Variants in PDE4D observed in about 807,000 individuals in gnomAD.
PDE4D encodes the protein phosphodiesterase 4D, also known as 3',5'-cyclic-AMP phosphodiesterase 4D.
A neutral mutation model predicts 87.4 loss-of-function variants in PDE4D; 24 were observed. That is an observed-to-expected ratio of 0.27 (90% CI 0.20 to 0.39). The LOEUF is 0.39. Ranked by LOEUF, PDE4D falls within the 10% of genes least tolerant of loss-of-function variation. The probability of loss-of-function intolerance (pLI) is 1.00; values close to 1 mark genes in which losing one functional copy is unlikely to be tolerated. For synonymous variants in PDE4D, 384 were observed against 383.2 expected (o/e 1.00, Z -0.02); for missense variants, 714 against 1,041.0 (o/e 0.69, Z 4.32).
intron 1 of PDE4D, among the ~76,000 whole-genome samples, chr5:59,707,208 G>GA (rs1446679542): frequency 6.6e-6 from 1 of 152,174 alleles, no homozygotes. Context: ...AAGTAAAAAT[G>GA]ACATAGTACA....
chr5:59,258,722 G>C (rs1017091491), intron 1 of PDE4D, among the ~76,000 whole-genome samples: 2 of 147,772 alleles, frequency 1.4e-5, no homozygotes, highest in African/African-American at 2.5e-5. Flanking sequence ...ATCATATATA[G>C]ATATATATAT....
intron 1 of PDE4D, among the ~76,000 whole-genome samples, chr5:60,215,699 A>C (rs1298179177): frequency 2.0e-5 from 3 of 152,138 alleles, no homozygotes. Flanking sequence ...GGAGCTTGTT[A>C]AATGTTGGGG....
intron 1 of PDE4D, among the ~76,000 whole-genome samples, chr5:59,315,778 C>T (rs1344322939): frequency 2.6e-5 from 4 of 152,176 alleles, no homozygotes; most frequent in South Asian, 4.1e-4. Context: ...GAAAATTGCC[C>T]AAAGAGTACA....
At chr5:59,386,092 C>A (rs923150585) in intron 1 of PDE4D, among the ~76,000 whole-genome samples, 7 of 152,198 alleles carry the variant, frequency 4.6e-5, no homozygotes, top group African/African-American at 1.2e-4. Context: ...CATTCTCACA[C>A]CTTTCCTTTT....
intron 3 of PDE4D, among the ~76,000 whole-genome samples, chr5:59,955,833 G>A (rs1758771460): frequency 6.6e-6 from 1 of 151,860 alleles, no homozygotes; most frequent in South Asian, 2.1e-4. Context: ...ATAGGGAAAT[G>A]TATCACCAAG....
intron 1 of PDE4D, among the ~76,000 whole-genome samples, chr5:59,305,604 ATTG>A (rs1339567860): frequency 6.6e-6 from 1 of 151,936 alleles, no homozygotes; most frequent in Non-Finnish European, 1.5e-5. Flanking sequence ...TTGTGTCATT[ATTG>A]TTGTTCAGTT....
intron 2 of PDE4D, among the ~76,000 whole-genome samples, chr5:60,182,401 A>T (rs778312761): frequency 6.6e-6 from 1 of 152,244 alleles, no homozygotes; most frequent in Non-Finnish European, 1.5e-5. Context: ...TTATTAAATC[A>T]ATCATCCCTT....
chr5:60,351,254 G>C (rs140668511), intron 1 of PDE4D, among the ~76,000 whole-genome samples: 35 of 152,290 alleles, frequency 2.3e-4, no homozygotes, highest in African/African-American at 8.2e-4. Context: ...TTATGGCAGA[G>C]ATTAGAGTTG....
intron 3 of PDE4D, among the ~76,000 whole-genome samples, chr5:59,914,129 T>TATG (rs1251982149): frequency 1.2e-4 from 18 of 152,210 alleles, no homozygotes; most frequent in Non-Finnish European, 2.6e-4. Context: ...CTTATTTATT[T>TATG]AATACATATG....
intron 2 of PDE4D, among the ~76,000 whole-genome samples, chr5:59,212,192 T>C (rs188027638): frequency 2.3e-4 from 35 of 152,266 alleles, no homozygotes; most frequent in Admixed American, 1.6e-3. Context: ...AATTAAAGTT[T>C]ACACATGGCC....
intron 4 of PDE4D, among the ~76,000 whole-genome samples, chr5:59,181,572 T>TATATAAA (rs1561646442): frequency 1.8e-5 from 2 of 109,922 alleles, no homozygotes; most frequent in African/African-American, 4.3e-5. Context: ...ATATATATAT[T>TATATAAA]AGGTATATAA....
intron 3 of PDE4D, among the ~76,000 whole-genome samples, chr5:59,979,666 C>G (rs1047025840): frequency 6.6e-6 from 1 of 152,074 alleles, no homozygotes; most frequent in African/African-American, 2.4e-5. Flanking sequence ...AACTAAATAG[C>G]ATTTATTTTT....
chr5:60,224,749 A>G (rs1236203180), intron 1 of PDE4D, among the ~76,000 whole-genome samples: 3 of 152,050 alleles, frequency 2.0e-5, no homozygotes, highest in Admixed American at 2.0e-4. Context: ...GCTGCATTCT[A>G]TTCATCAATT....
At chr5:59,083,036 C>T (rs957909680) in intron 5 of PDE4D, among the ~76,000 whole-genome samples, 2 of 152,016 alleles carry the variant, frequency 1.3e-5, no homozygotes, top group African/African-American at 4.8e-5. Flanking sequence ...GTAATACTTC[C>T]TTTTAATTAG....
chr5:59,921,246 T>A (rs1470714456), intron 3 of PDE4D, among the ~76,000 whole-genome samples: 1 of 152,166 alleles, frequency 6.6e-6, no homozygotes, highest in East Asian at 1.9e-4. Context: ...TGTCTAATGT[T>A]CAAAATAATT....
At chr5:59,734,829 A>G (rs761230928) in intron 1 of PDE4D, among the ~76,000 whole-genome samples, 2 of 152,186 alleles carry the variant, frequency 1.3e-5, no homozygotes, top group Non-Finnish European at 2.9e-5. Context: ...GAGTGAGTCC[A>G]GTCACGTGCA....
intron 1 of PDE4D, among the ~76,000 whole-genome samples, chr5:59,494,337 T>C (rs1164072059): frequency 3.3e-5 from 5 of 152,210 alleles, no homozygotes. Context: ...ATTGCAGGTC[T>C]CAAAAATAAA....
intron 1 of PDE4D, among the ~76,000 whole-genome samples, chr5:59,528,322 CA>C (rs1813537271): frequency 6.6e-6 from 1 of 152,094 alleles, no homozygotes; most frequent in Non-Finnish European, 1.5e-5. Flanking sequence ...CTGGGAAGGA[CA>C]GCTAAGAGAA....
intron 1 of PDE4D, among the ~76,000 whole-genome samples, chr5:60,474,105 C>CAT (rs1158022321): frequency 0.065 from 1,974 of 30,538 alleles, 91 homozygotes; most frequent in Non-Finnish European, 0.091. Context: ...TTTGAGCTGC[C>CAT]ATATATATAT....
Sources: allele counts gnomAD v4.1 joint callset (sites outside exome capture counted in the v4.1 genomes callset), GRCh38; gene constraint gnomAD v4.1.1; transcripts MANE v1.5; gene names NCBI Gene and HGNC (gene_info 2026-07-23, HGNC 2026-07-21).